The following HMGN2 variants were observed in gnomAD, a reference collection of about 807,000 sequenced individuals.
HMGN2 encodes high mobility group nucleosomal binding domain 2, also known as non-histone chromosomal protein HMG-17.
HMGN2 carries 2 observed loss-of-function variants against 16.9 expected under a neutral mutation model. The observed-to-expected ratio is 0.12, with a 90% CI of 0.05 to 0.37. The LOEUF (loss-of-function observed/expected upper bound fraction) is 0.37. HMGN2 is among the 10% of genes least tolerant of loss of function. The pLI is 1.00. For missense variants in HMGN2, 90 were observed against 106.0 expected, an observed-to-expected ratio of 0.85 and a Z score of 0.66; for synonymous variants, 31 against 34.9, an observed-to-expected ratio of 0.89 and a Z score of 0.39.
chr1:26,476,012 T>C lies in HMGN2; in HGVS notation c.*864T>C, dbSNP rs185570488. On this transcript the variant is annotated 3_prime_UTR_variant, in exon 6 of 6. Transcript: ENST00000361427. ...TTTTCCCACAAGTGGGGTAACCTGG[T>C]TTATCCAAGTCTCTTGGAACAGGGT... The C allele has an allele frequency of 1.7e-4, 49 of 291,810 alleles. No homozygotes were observed. The highest frequency in any genetic ancestry group is 1.0e-3 in the African/African-American group (46 of 44,404). 18.1% of individuals were successfully genotyped at this position (291,810 alleles called of 1,614,324 possible). A position where few individuals can be genotyped will look rare whatever the true frequency, so the allele number is the denominator to read the frequency against.
intron 1 of HMGN2, chr1:26,473,089 G>T (rs2075584914): frequency 4.2e-6 from 1 of 237,380 alleles, no homozygotes; most frequent in South Asian, 5.8e-5. Flanking sequence ...CACGTTCCCC[G>T]CGCACGAGAC....
In HMGN2 at chr1:26,476,282, C is replaced by G. The variant is rs975583540; in HGVS notation, c.*1134C>G. 1.3e-5 allele frequency among the ~76,000 whole-genome samples: 2 copies of G among 152,132 alleles called. No individual in the cohort carries two copies. Among genetic ancestry groups the G allele is most frequent in the Non-Finnish European group, 2.9e-5 (2 of 68,024 alleles). ...TATTAAATGCAGATTTTTGGTAGAT[C>G]TGCGGTTTTGGCTGGGTAGCTGACA... On this transcript the variant is annotated 3_prime_UTR_variant, in exon 6 of 6. Coordinates refer to ENST00000361427, the MANE Select transcript of HMGN2 (RefSeq NM_005517.4).
intron 3 of HMGN2, 144 bp downstream of exon 3, chr1:26,473,876 G>A (rs759743367): frequency 6.2e-5 from 56 of 908,528 alleles, no homozygotes; most frequent in Admixed American, 1.0e-4. Flanking sequence ...TTTGGGTTTT[G>A]CTGGTTCTGA....
chr1:26,472,664 C>T, intron 1 of HMGN2, 37 bp downstream of exon 1: 1 of 1,509,544 alleles, frequency 6.6e-7, no homozygotes, highest in South Asian at 1.2e-5. Flanking sequence ...CGGGCCACCA[C>T]TGCCGCCACC....
chr1:26,473,218 T>C (rs1457197850), intron 1 of HMGN2: 3 of 493,092 alleles, frequency 6.1e-6, no homozygotes, highest in Non-Finnish European at 1.1e-5. Flanking sequence ...TTGCGCCATC[T>C]GCAGCTGTTG....
Position 26,472,553 on chromosome 1 carries a change from C to T in HMGN2, c.-60C>T. 2 of 1,533,996 alleles carry T rather than the reference C, an allele frequency of 1.3e-6. No homozygotes were observed. Among genetic ancestry groups the T allele is most frequent in the South Asian group, 1.2e-5 (1 of 84,164 alleles). The stretch of plus-strand genomic sequence containing the variant: ...GAACGACCCCCGGACCGACCAAAGC[C>T]CGCGCGCCGCTGCATCCCGCGTCCA... On this transcript the variant is annotated 5_prime_UTR_variant, in exon 1 of 6. Coordinates refer to ENST00000361427, the MANE Select transcript of HMGN2 (RefSeq NM_005517.4).
chr1:26,473,087 C>CCGCGCACGAGACG (rs2075584901), intron 1 of HMGN2: 1 of 254,496 alleles, frequency 3.9e-6, no homozygotes, highest in African/African-American at 2.3e-5. Context: ...CCCACGTTCC[C>CCGCGCACGAGACG]CGCGCACGAG....
chr1:26,474,761 T>TG, intron 5 of HMGN2, 94 bp downstream of exon 5: 2 of 710,344 alleles, frequency 2.8e-6, no homozygotes, highest in Non-Finnish European at 5.1e-6. Context: ...TCACTCCAAA[T>TG]GTACCATTTG....
intron 5 of HMGN2, 99 bp from the exon 6 acceptor site, chr1:26,475,014 T>C (rs543212473): frequency 1.0e-6 from 1 of 1,000,340 alleles, no homozygotes; most frequent in Non-Finnish European, 1.6e-6. Flanking sequence ...ACCTGAAACC[T>C]GAACTTTGGC....
rs925394624 is a variant in HMGN2 at position 26,474,808 on chromosome 1, C to A, written c.237+141C>A. 9 of 636,826 alleles carry A rather than the reference C, an allele frequency of 1.4e-5. No individual in the cohort carries two copies. In the Admixed American group the frequency reaches 2.0e-4, roughly 14 times the overall value. The allele number at this position is 636,826 out of a possible 1,614,324, so 39.4% of individuals were successfully genotyped here. On this transcript the variant is annotated intron_variant, in intron 5 of 5. Transcript: ENST00000361427. ...TTGTGGCTTTCCTGTTAACTTAAAT[C>A]CTGGATTCTTGAAATCTCTACTGTC...
At chr1:26,473,214 C>T (rs1002154167) in intron 1 of HMGN2, 3 of 473,606 alleles carry the variant, frequency 6.3e-6, no homozygotes, top group Non-Finnish European at 1.1e-5. Context: ...TTGTTTGCGC[C>T]ATCTGCAGCT....
intron 1 of HMGN2, 186 bp from the exon 2 acceptor site, chr1:26,473,297 C>T (rs1012926426): frequency 4.8e-5 from 29 of 600,080 alleles, no homozygotes; most frequent in African/African-American, 4.7e-4. Flanking sequence ...GCCCTCGCTT[C>T]TCGGGGTCGG....
In HMGN2 at chr1:26,473,485, T is replaced by G. The variant is rs2075589314; in HGVS notation, c.18T>G (p.Ala6=). 14 of 1,611,898 alleles carry G rather than the reference T, an allele frequency of 8.7e-6. No individual in the cohort carries two copies. Among genetic ancestry groups the G allele is most frequent in the Non-Finnish European group, 1.2e-5 (14 of 1,178,048 alleles). Residue 6 remains alanine (A), a splice_region_variant and synonymous_variant, in exon 2 of 6, where the codon GCT becomes GCG. Coordinates refer to ENST00000361427, the MANE Select transcript of HMGN2 (RefSeq NM_005517.4). Reference sequence around the variant, plus strand: ...TTTTTTGTTCTTGTTTCTTATAGGCTGAAGGGGATGCTAAGGGAGATAAAG... The same window carrying G: ...TTTTTTGTTCTTGTTTCTTATAGGCGGAAGGGGATGCTAAGGGAGATAAAG... MPKRK[A]EGDAKGDKAK...
At chr1:26,473,768 T>C (rs1425959982) in intron 3 of HMGN2, 36 bp downstream of exon 3, 1 of 1,603,776 alleles carries the variant, frequency 6.2e-7, no homozygotes, top group East Asian at 2.2e-5. Context: ...TGCTTGTCCC[T>C]GAAACTAAAA....
At chr1:26,473,448 CA>C (rs777382713) in intron 1 of HMGN2, 34 bp from the exon 2 acceptor site, 13 of 1,550,082 alleles carry the variant, frequency 8.4e-6, no homozygotes, top group Admixed American at 1.7e-5. Flanking sequence ...AGAACCACCT[CA>C]AAATCTGCAG....
At position 26,475,300 on chromosome 1, in the gene HMGN2, G is replaced by C. The variant is rs2075600649; in HGVS notation, c.*152G>C. 1.9e-6 allele frequency: 1 copy of C among 524,984 alleles called. No individual in the cohort carries two copies. The highest frequency in any genetic ancestry group is 3.4e-6 in the Non-Finnish European group (1 of 296,734). The allele number at this position is 524,984 out of a possible 1,614,324, so 32.5% of individuals were successfully genotyped here. ...TTAGCACACAGAACACTTCATTGTT[G>C]TTTTTGGGGGAAGGGGCATATGTCA... On this transcript the variant is annotated 3_prime_UTR_variant, in exon 6 of 6. Coordinates refer to ENST00000361427, the MANE Select transcript of HMGN2 (RefSeq NM_005517.4).
At chr1:26,472,799 GC>G (rs998316169) in intron 1 of HMGN2, among the ~76,000 whole-genome samples, 172 bp downstream of exon 1, 217 of 151,630 alleles carry the variant, frequency 1.4e-3, no homozygotes, top group Middle Eastern at 3.4e-3. Flanking sequence ...CGGCTCGGCT[GC>G]CCGCGGGCGC....
intron 1 of HMGN2, chr1:26,473,135 GCGCGCCTCCCT>G: frequency 6.8e-6 from 2 of 295,278 alleles, no homozygotes; most frequent in Middle Eastern, 2.1e-3. Context: ...CCCGGGCTGC[GCGCGCCTCCCT>G]CTCCCGCCCT....
chr1:26,473,861 G>C, intron 3 of HMGN2, 129 bp downstream of exon 3: 2 of 994,486 alleles, frequency 2.0e-6, no homozygotes, highest in South Asian at 2.8e-5. Flanking sequence ...TGGGACTCTT[G>C]CCCCTTTGGG....
Sources: gnomAD v4.1 joint callset for allele counts (sites outside exome capture counted in the v4.1 genomes callset) on GRCh38, gnomAD v4.1.1 for gene constraint, MANE v1.5 for transcripts, NCBI Gene and HGNC (gene_info 2026-07-23, HGNC 2026-07-21) for gene names.